The following FAM20C variants were observed in gnomAD, a reference collection of about 807,000 sequenced individuals.
FAM20C encodes extracellular serine/threonine protein kinase FAM20C.
In FAM20C, 40 loss-of-function variants were observed where a neutral mutation model predicts 51.5. The observed-to-expected ratio is 0.78, with a 90% CI of 0.60 to 1.01. FAM20C has a LOEUF of 1.01. Among genes scored for constraint, FAM20C ranks in the 50% least tolerant of loss-of-function variants. The pLI, the probability that FAM20C is intolerant of heterozygous loss-of-function variation, is 0.00. For missense variants in FAM20C, 861 were observed against 844.7 expected, an observed-to-expected ratio of 1.02 and a Z score of -0.24; for synonymous variants, 406 against 380.6, an observed-to-expected ratio of 1.07 and a Z score of -0.78.
chr7:204,517 C>T (rs28361926), intron 2 of FAM20C, among the ~76,000 whole-genome samples: 19,171 of 152,198 alleles, frequency 0.13, 1,621 homozygotes, highest in East Asian at 0.27. Context: ...GCACGTGACC[C>T]GGGGTGTGAG....
At chr7:251,022 C>T (rs1788375680) in intron 5 of FAM20C, among the ~76,000 whole-genome samples, 1 of 152,216 alleles carries the variant, frequency 6.6e-6, no homozygotes, top group African/African-American at 2.4e-5. Flanking sequence ...GTCAATGATG[C>T]CCACTGATGC....
rs547498202 is a variant in FAM20C at position 200,600 on chromosome 7, T to C, written c.784+4868T>C. 5.0e-3 allele frequency among the ~76,000 whole-genome samples: 757 copies of C among 152,360 alleles called. 5 individuals are homozygous for C. Among genetic ancestry groups the C allele is most frequent in the Non-Finnish European group, 9.0e-3 (610 of 68,020 alleles). ...GCGCACCTGCCGACTTTCCTTCTGATGCAGACATGGTCCCCACTGGGGCAA... is the reference window on the plus strand; with the variant it reads ...GCGCACCTGCCGACTTTCCTTCTGACGCAGACATGGTCCCCACTGGGGCAA... On this transcript the variant is annotated intron_variant, in intron 2 of 9. Transcript: ENST00000313766.
intron 3 of FAM20C, among the ~76,000 whole-genome samples, chr7:236,276 G>A (rs923659014): frequency 5.3e-5 from 8 of 152,174 alleles, no homozygotes; most frequent in Non-Finnish European, 1.0e-4. Flanking sequence ...CGCCGAGGAC[G>A]CCCCTCTCCT....
intron 3 of FAM20C, among the ~76,000 whole-genome samples, chr7:242,522 G>A (rs1433796539): frequency 6.6e-6 from 1 of 151,962 alleles, no homozygotes; most frequent in Non-Finnish European, 1.5e-5. Flanking sequence ...TGCACTGGGG[G>A]CAGGGCCAGT....
intron 3 of FAM20C, among the ~76,000 whole-genome samples, chr7:218,727 G>A (rs1410809752): frequency 6.6e-6 from 1 of 152,218 alleles, no homozygotes; most frequent in Non-Finnish European, 1.5e-5. Context: ...CTGGGAAACC[G>A]AGGTGGGAGA....
chr7:195,593 CG>C lies in FAM20C; in HGVS notation c.649del (p.Glu217ArgfsTer47). Reference protein sequence around the residue: ...GAEGAEFLSPGEAAVDSYPNW... With the variant: ...GAEGAEFLSPXEAAVDSYPNW... ...CTGAAGGTGCAGAATTCCTCTCCCC[CG>C]GGGAGGCGGCCGTGGACTCCTATCC... is the stretch of plus-strand genomic sequence containing the variant. On this transcript the variant is annotated frameshift_variant, in exon 2 of 10. Coordinates refer to ENST00000313766, the MANE Select transcript of FAM20C (RefSeq NM_020223.4). LOFTEE classifies it high-confidence loss of function. 6.3e-7 allele frequency: 1 copy of C among 1,598,958 alleles called. No individual in the cohort carries two copies. Among genetic ancestry groups the C allele is most frequent in the Admixed American group, 1.7e-5 (1 of 58,716 alleles).
chr7:224,247 T>C (rs867441327), intron 3 of FAM20C, among the ~76,000 whole-genome samples: 1,044 of 44,044 alleles, frequency 0.024, 20 homozygotes, highest in African/African-American at 0.083. Context: ...AGAACGGCAC[T>C]GTCACGGGGT....
intron 2 of FAM20C, among the ~76,000 whole-genome samples, chr7:207,663 T>G (rs976101181): frequency 6.6e-6 from 1 of 152,248 alleles, no homozygotes; most frequent in East Asian, 1.9e-4. Flanking sequence ...CCCGTGATGT[T>G]GACGTGTGAC....
At chr7:241,797 A>C (rs1787955000) in intron 3 of FAM20C, among the ~76,000 whole-genome samples, 2 of 149,982 alleles carry the variant, frequency 1.3e-5, no homozygotes, top group Admixed American at 6.6e-5. Context: ...GTGCATGTGC[A>C]CACGTGTGAA....
At chr7:229,979 A>G (rs1252515248) in intron 3 of FAM20C, among the ~76,000 whole-genome samples, 5 of 152,082 alleles carry the variant, frequency 3.3e-5, no homozygotes, top group Non-Finnish European at 1.5e-5. Context: ...AATGGGATAG[A>G]AAGATGGGGT....
At chr7:226,635 C>G (rs1787461040) in intron 3 of FAM20C, among the ~76,000 whole-genome samples, 1 of 152,098 alleles carries the variant, frequency 6.6e-6, no homozygotes, top group African/African-American at 2.4e-5. Flanking sequence ...GCCGCTCCAC[C>G]CCACTGCCCA....
At position 208,853 on chromosome 7, in the gene FAM20C, C is replaced by T. The variant is rs775497286; in HGVS notation, c.785-45C>T. 9 of 1,538,768 alleles carry T rather than the reference C, an allele frequency of 5.8e-6. No individual in the cohort carries two copies. In the South Asian group the frequency reaches 8.4e-5, roughly 14 times the overall value. On this transcript the variant is annotated intron_variant, in intron 2 of 9. Coordinates refer to ENST00000313766, the MANE Select transcript of FAM20C (RefSeq NM_020223.4). ...CTCGTCCGCACAGGAGAAGAAGGGG[C>T]GTGAGGCCAGAGAGTGACCCTGTTT...
At chr7:216,682 A>AGTGTGTGT (rs1273994235) in intron 3 of FAM20C, among the ~76,000 whole-genome samples, 1 of 143,600 alleles carries the variant, frequency 7.0e-6, no homozygotes, top group South Asian at 2.4e-4. Context: ...AGTGTGTGTG[A>AGTGTGTGT]GAGTGTGTGT....
At chr7:249,867 C>T (rs542555645) in intron 5 of FAM20C, among the ~76,000 whole-genome samples, 6 of 152,198 alleles carry the variant, frequency 3.9e-5, no homozygotes, top group African/African-American at 1.4e-4. Context: ...GCTCACCTGG[C>T]TGAGCTCTGG....
intron 8 of FAM20C, 63 bp downstream of exon 8, chr7:257,149 C>G: frequency 6.9e-7 from 1 of 1,448,492 alleles, no homozygotes; most frequent in Admixed American, 2.0e-5. Context: ...CTACCTGCAG[C>G]CCACCTGAGA....
chr7:252,295 C>G (rs533484078), intron 5 of FAM20C, among the ~76,000 whole-genome samples: 242 of 144,794 alleles, frequency 1.7e-3, no homozygotes, highest in Non-Finnish European at 2.5e-3. Flanking sequence ...TAGACACCCC[C>G]TCGGCCTCCC....
intron 2 of FAM20C, among the ~76,000 whole-genome samples, chr7:198,087 G>A (rs762756035): frequency 2.6e-5 from 4 of 152,142 alleles, no homozygotes; most frequent in South Asian, 2.1e-4. Flanking sequence ...GATCTCGCTC[G>A]CTCGCCTCCT....
At chr7:216,528 C>A (rs1167501770) in intron 3 of FAM20C, among the ~76,000 whole-genome samples, 1 of 151,872 alleles carries the variant, frequency 6.6e-6, no homozygotes, top group Non-Finnish European at 1.5e-5. Flanking sequence ...AGCTGGGAGC[C>A]CTGGTCCTTG....
chr7:232,574 A>G (rs1354473781), intron 3 of FAM20C, among the ~76,000 whole-genome samples: 5 of 152,232 alleles, frequency 3.3e-5, no homozygotes, highest in Non-Finnish European at 7.3e-5. Flanking sequence ...CCTCATAGGC[A>G]TTGGTAATAA....
Sources: gnomAD v4.1 joint callset for allele counts (sites outside exome capture counted in the v4.1 genomes callset) on GRCh38, gnomAD v4.1.1 for gene constraint, MANE v1.5 for transcripts, NCBI Gene and HGNC (gene_info 2026-07-23, HGNC 2026-07-21) for gene names.